Variants in NLGN1 observed in about 807,000 individuals in gnomAD.
NLGN1 encodes the protein neuroligin-1.
A neutral mutation model predicts 65.5 loss-of-function variants in NLGN1; 12 were observed. The ratio of observed to expected loss-of-function variants is 0.18; its 90% CI spans 0.12 to 0.30. NLGN1 has a LOEUF of 0.30. Ranked by LOEUF, NLGN1 falls within the 10% of genes least tolerant of loss-of-function variation. The probability of loss-of-function intolerance (pLI) is 1.00; values close to 1 mark genes in which losing one functional copy is unlikely to be tolerated. For synonymous variants in NLGN1, 350 were observed against 359.5 expected (o/e 0.97, Z 0.30); for missense variants, 750 against 1,007.1 (o/e 0.74, Z 3.46).
chr3:173,503,874 A>G (rs1210994589), intron 2 of NLGN1, among the ~76,000 whole-genome samples: 2 of 152,098 alleles, frequency 1.3e-5, no homozygotes, highest in Non-Finnish European at 2.9e-5. Context: ...ATGCATAACT[A>G]GAAGGGAATC....
intron 4 of NLGN1, among the ~76,000 whole-genome samples, chr3:173,890,492 C>T (rs140221772): frequency 4.3e-4 from 66 of 152,250 alleles, no homozygotes; most frequent in African/African-American, 1.6e-3. Flanking sequence ...AACTGCCTGA[C>T]TCTTGAACCC....
At chr3:174,097,246 C>A (rs1376104552) in intron 4 of NLGN1, among the ~76,000 whole-genome samples, 2 of 152,078 alleles carry the variant, frequency 1.3e-5, no homozygotes, top group African/African-American at 2.4e-5. Flanking sequence ...TATAACTATT[C>A]AAAATTTTAA....
chr3:173,506,480 C>T (rs1732056061), intron 2 of NLGN1, among the ~76,000 whole-genome samples: 1 of 151,982 alleles, frequency 6.6e-6, no homozygotes, highest in South Asian at 2.1e-4. Context: ...TAGTAACTAG[C>T]TATAATTGTG....
chr3:174,280,436 A>AAAAT lies in NLGN1; in HGVS notation c.1650-41_1650-38dup. 7.4e-7 allele frequency: 1 copy of AAAAT among 1,352,418 alleles called. No individual in the cohort carries two copies. Among genetic ancestry groups the AAAAT allele is most frequent in the Admixed American group, 2.2e-5 (1 of 44,698 alleles). 83.8% of individuals were successfully genotyped at this position (1,352,418 alleles called of 1,614,324 possible). The stretch of plus-strand genomic sequence containing the variant: ...GTTAAAGTAGTGTGATTTTAAGTAA[A>AAAAT]AAATAAAATAGCTTTATTCTCATAA... On this transcript the variant is annotated intron_variant, in intron 6 of 6. Coordinates refer to ENST00000457714, the Ensembl canonical transcript of NLGN1. The surrounding 1 kb of genome is among the most constrained non-coding windows in gnomAD (Gnocchi z 4.9).
intron 3 of NLGN1, among the ~76,000 whole-genome samples, chr3:173,626,349 A>G (rs921870620): frequency 1.4e-4 from 22 of 152,154 alleles, no homozygotes; most frequent in African/African-American, 5.3e-4. Context: ...TTACATTTTT[A>G]TATTTTTGAA....
rs543500714 is a variant in NLGN1 at position 174,209,141 on chromosome 3, C to G, written c.647-66174C>G. ...GTTTTGCCATGTTGCCCAGGCTGGT[C>G]TCAAACTGCTGAGCTCAAACAATTC... On this transcript the variant is annotated intron_variant, in intron 4 of 6. Transcript: ENST00000457714. 3.9e-5 allele frequency among the ~76,000 whole-genome samples: 6 copies of G among 152,210 alleles called. No homozygotes were observed. The East Asian group carries it at 9.7e-4, about 25-fold the overall frequency.
chr3:174,077,649 G>C (rs954293774), intron 4 of NLGN1, among the ~76,000 whole-genome samples: 6 of 152,028 alleles, frequency 3.9e-5, no homozygotes, highest in African/African-American at 1.4e-4. Flanking sequence ...TCCGCCTCCC[G>C]GGTTCAAGCA....
rs372439862 is a variant in NLGN1, at chr3:173,539,640, A to G, written c.-320-64639A>G. Among the ~76,000 whole-genome samples, 288 of 111,660 alleles carry G rather than the reference A, an allele frequency of 2.6e-3. 1 individual carries two copies. The highest frequency in any genetic ancestry group is 7.3e-3 in the African/African-American group (157 of 21,434). 73.3% of individuals were successfully genotyped at this position (111,660 alleles called of 152,430 possible). A position where few individuals can be genotyped will look rare whatever the true frequency, so the allele number is the denominator to read the frequency against. ...ATTATATATTTATATATACACATAT[A>G]TACATATATAACATATGTGTATATA... On this transcript the variant is annotated intron_variant, in intron 2 of 6. Transcript: ENST00000457714.
At chr3:173,686,772 G>A (rs1006606966) in intron 3 of NLGN1, among the ~76,000 whole-genome samples, 12 of 152,064 alleles carry the variant, frequency 7.9e-5, no homozygotes, top group African/African-American at 2.9e-4. Flanking sequence ...GGCCAACATG[G>A]TGAAACCCCA....
exon 7 of NLGN1, chr3:174,281,106 C>G (rs753616239): frequency 6.2e-7 from 1 of 1,613,326 alleles, no homozygotes; most frequent in South Asian, 1.1e-5. Flanking sequence ...GACCGCCTGT[C>G]CCCCAGATTA....
Position 173,657,031 on chromosome 3 carries a change from C to T in NLGN1, c.493+51940C>T, listed in dbSNP as rs146687689. Among the ~76,000 whole-genome samples, 3 of 151,900 alleles carry T rather than the reference C, an allele frequency of 2.0e-5. No individual in the cohort carries two copies. The East Asian group carries it at 5.8e-4, about 29-fold the overall frequency. On this transcript the variant is annotated intron_variant, in intron 3 of 6. Coordinates refer to ENST00000457714, the Ensembl canonical transcript of NLGN1. ...ATAAATGTAAAAATGCTTTGTAAACCATTATATAAAAAAGAAGACACAGTT... is the reference window on the plus strand; with the variant it reads ...ATAAATGTAAAAATGCTTTGTAAACTATTATATAAAAAAGAAGACACAGTT...
At chr3:174,037,126 A>AT (rs1295173274) in intron 4 of NLGN1, among the ~76,000 whole-genome samples, 6 of 152,054 alleles carry the variant, frequency 3.9e-5, no homozygotes, top group Non-Finnish European at 8.8e-5. Context: ...CCGTAATGGG[A>AT]TTATTGATTT....
At chr3:173,766,503 T>C (rs1010643880) in intron 3 of NLGN1, among the ~76,000 whole-genome samples, 1 of 152,212 alleles carries the variant, frequency 6.6e-6, no homozygotes, top group Admixed American at 6.6e-5. Context: ...AGTAGTAGGA[T>C]AGTGGTATTT....
At chr3:173,853,340 G>A (rs1164174397) in intron 4 of NLGN1, among the ~76,000 whole-genome samples, 1 of 152,132 alleles carries the variant, frequency 6.6e-6, no homozygotes, top group Non-Finnish European at 1.5e-5. Context: ...GAATTAGTAT[G>A]AACTTATCAT....
At chr3:173,744,451 T>A (rs1353708755) in intron 3 of NLGN1, among the ~76,000 whole-genome samples, 1 of 151,952 alleles carries the variant, frequency 6.6e-6, no homozygotes, top group Admixed American at 6.6e-5. Context: ...ATCAAGAAAA[T>A]AGTGAGACAC....
chr3:174,211,826 G>C (rs1284792489), intron 4 of NLGN1, among the ~76,000 whole-genome samples: 2 of 152,214 alleles, frequency 1.3e-5, no homozygotes, highest in East Asian at 3.9e-4. Flanking sequence ...AACACAGGGT[G>C]CTGATTGGTG....
chr3:173,691,241 T>A (rs1431135954), intron 3 of NLGN1, among the ~76,000 whole-genome samples: 1 of 152,100 alleles, frequency 6.6e-6, no homozygotes, highest in Non-Finnish European at 1.5e-5. Flanking sequence ...AGCCCATTTC[T>A]TCAAGGCTTA....
At chr3:173,946,417 T>C (rs1747162403) in intron 4 of NLGN1, among the ~76,000 whole-genome samples, 1 of 152,206 alleles carries the variant, frequency 6.6e-6, no homozygotes. Flanking sequence ...TTAGCAATAG[T>C]TTATGAACAT....
intron 3 of NLGN1, among the ~76,000 whole-genome samples, chr3:173,754,024 C>CTTTT (rs71162358): frequency 3.5e-4 from 42 of 121,588 alleles, no homozygotes; most frequent in Admixed American, 5.5e-4. Context: ...TCTTTCTTTT[C>CTTTT]TTTTTTTTTT....
Sources: gnomAD v4.1 joint callset for allele counts (sites outside exome capture counted in the v4.1 genomes callset) on GRCh38, gnomAD v4.1.1 for gene constraint, Gnocchi (gnomAD v3.1) non-coding constraint, MANE v1.5 for transcripts, NCBI Gene and HGNC (gene_info 2026-07-23, HGNC 2026-07-21) for gene names.